Variants in DIAPH2 observed in about 807,000 individuals in gnomAD.
DIAPH2 encodes diaphanous related formin 2.
Under a neutral mutation model 92.7 loss-of-function variants are expected in DIAPH2, and 35 were observed. That is an observed-to-expected ratio of 0.38 (90% CI 0.29 to 0.50). The LOEUF (loss-of-function observed/expected upper bound fraction) is 0.50. DIAPH2 is among the 20% of genes least tolerant of loss of function. DIAPH2 has a pLI of 0.94. For missense variants in DIAPH2, 701 were observed against 819.5 expected, an observed-to-expected ratio of 0.86 and a Z score of 1.77; for synonymous variants, 301 against 280.4, an observed-to-expected ratio of 1.07 and a Z score of -0.73.
chrX:96,995,184 A>G (rs945174488), intron 17 of DIAPH2, among the ~76,000 whole-genome samples: 1 of 111,387 alleles, frequency 9.0e-6, no homozygotes, highest in South Asian at 3.8e-4. Context: ...TTAAAGTCAG[A>G]TAAAGGCAGC....
chrX:96,884,961 G>A, intron 5 of DIAPH2: 1 of 1,211,376 alleles, frequency 8.3e-7, no homozygotes, highest in Non-Finnish European at 1.1e-6. Flanking sequence ...ATCAGGAAGG[G>A]AAGAGCATCC....
At chrX:96,905,859 G>C (rs759948538) in intron 5 of DIAPH2, among the ~76,000 whole-genome samples, 11 of 112,362 alleles carry the variant, frequency 9.8e-5, no homozygotes, top group Non-Finnish European at 1.7e-4. Context: ...GCTGGGCGCG[G>C]TGGCTCACGC....
intron 4 of DIAPH2, among the ~76,000 whole-genome samples, chrX:96,876,518 C>G (rs1191007657): frequency 9.0e-6 from 1 of 111,700 alleles, no homozygotes; most frequent in African/African-American, 3.3e-5. Flanking sequence ...CCCACATGTC[C>G]AACAATCATA....
chrX:97,507,166 A>AAAAAAAAAAAAAAAC (rs2070842387), intron 26 of DIAPH2, among the ~76,000 whole-genome samples: 1 of 92,038 alleles, frequency 1.1e-5, no homozygotes, highest in Non-Finnish European at 2.3e-5. Context: ...AAAAAAAAAA[A>AAAAAAAAAAAAAAAC]TCCCTACCTT....
At chrX:96,836,718 T>TATATATATACGTATATATACATA (rs58380012) in intron 4 of DIAPH2, among the ~76,000 whole-genome samples, 1 of 15,357 alleles carries the variant, frequency 6.5e-5, no homozygotes, top group African/African-American at 3.0e-4. Flanking sequence ...TATATATATA[T>TATATATATACGTATATATACATA]TTTTTTTTTT....
At chrX:96,877,812 A>G (rs780268900) in intron 4 of DIAPH2, among the ~76,000 whole-genome samples, 66 of 112,396 alleles carry the variant, frequency 5.9e-4, no homozygotes, top group African/African-American at 2.0e-3. Flanking sequence ...TACTGTCTTA[A>G]AATAATACAA....
chrX:96,916,441 G>A lies in DIAPH2; in HGVS notation c.736G>A (p.Gly246Arg). ...CLKAFMNNKF[G>R]LQRILGDERS... Reference sequence around the variant, plus strand: ...GGTTTTTTTTTTTTTTTTTTAGTTTGGATTACAAAGGATTCTAGGAGATGA... The same window carrying A: ...GGTTTTTTTTTTTTTTTTTTAGTTTAGATTACAAAGGATTCTAGGAGATGA... Residue 246 changes from glycine to arginine, a missense_variant, in exon 8 of 27, where the codon GGA becomes AGA. By Grantham distance (125) the Gly-to-Arg change is moderately radical (BLOSUM62 -2). Around this residue, in one of 3 missense-constraint regions of DIAPH2, gnomAD observed 34 missense variants for 74.7 expected, o/e 0.46. Coordinates refer to ENST00000324765, the MANE Select transcript of DIAPH2 (RefSeq NM_006729.5). 1.2e-6 allele frequency: 1 copy of A among 843,175 alleles called. No individual in the cohort carries two copies. The highest frequency in any genetic ancestry group is 1.6e-6 in the Non-Finnish European group (1 of 631,109). 69.5% of individuals were successfully genotyped at this position (843,175 alleles called of 1,213,427 possible).
intron 4 of DIAPH2, among the ~76,000 whole-genome samples, chrX:96,867,466 C>T (rs759011792): frequency 2.4e-4 from 27 of 111,207 alleles, no homozygotes; most frequent in African/African-American, 6.5e-4. Context: ...GTGATCTGCC[C>T]GCCTCGGCCT....
intron 23 of DIAPH2, among the ~76,000 whole-genome samples, chrX:97,331,513 A>T (rs2069001459): frequency 8.9e-6 from 1 of 112,038 alleles, no homozygotes; most frequent in South Asian, 3.7e-4. Context: ...ACAGCTTAGG[A>T]AATACAGTAC....
chrX:96,768,580 G>C (rs2147610913), intron 4 of DIAPH2, among the ~76,000 whole-genome samples: 1 of 112,056 alleles, frequency 8.9e-6, no homozygotes, highest in African/African-American at 3.2e-5. Context: ...AGAAAGCAGA[G>C]AGTGATCAGG....
intron 22 of DIAPH2, among the ~76,000 whole-genome samples, chrX:97,237,695 C>T (rs1203024624): frequency 7.2e-5 from 8 of 110,625 alleles, no homozygotes; most frequent in African/African-American, 2.6e-4. Flanking sequence ...CATTCTCTTG[C>T]CTCAGCCTCC....
intron 21 of DIAPH2, among the ~76,000 whole-genome samples, chrX:97,133,030 T>C (rs189785057): frequency 8.9e-6 from 1 of 112,025 alleles, no homozygotes; most frequent in Non-Finnish European, 1.9e-5. Context: ...TCAGATACTC[T>C]AGAGATTTGA....
chrX:97,539,339 G>A (rs1392039813), intron 26 of DIAPH2, among the ~76,000 whole-genome samples: 2 of 110,632 alleles, frequency 1.8e-5, no homozygotes, highest in African/African-American at 3.3e-5. Flanking sequence ...TTCTCTAAAG[G>A]GTAAAAGGAG....
intron 17 of DIAPH2, among the ~76,000 whole-genome samples, chrX:97,028,213 A>T (rs1192286204): frequency 9.0e-6 from 1 of 111,218 alleles, no homozygotes; most frequent in African/African-American, 3.3e-5. Context: ...CTTCAATATG[A>T]TGTCAATATC....
chrX:97,462,004 A>G (rs1296323135), intron 26 of DIAPH2, among the ~76,000 whole-genome samples: 1 of 111,415 alleles, frequency 9.0e-6, no homozygotes, highest in East Asian at 2.8e-4. Context: ...GTAATGAGGC[A>G]TTTGAAAAGG....
chrX:97,317,421 T>C (rs1348257442), intron 23 of DIAPH2, among the ~76,000 whole-genome samples: 3 of 112,261 alleles, frequency 2.7e-5, no homozygotes, highest in African/African-American at 9.7e-5. Context: ...AACATCATTT[T>C]CCTTTCTTTT....
chrX:96,833,287 A>T (rs1316691129), intron 4 of DIAPH2, among the ~76,000 whole-genome samples: 1 of 111,439 alleles, frequency 9.0e-6, no homozygotes, highest in Non-Finnish European at 1.9e-5. Context: ...GCTGTGAGAG[A>T]ATTTGAAGCA....
intron 17 of DIAPH2, among the ~76,000 whole-genome samples, chrX:97,016,833 G>T (rs1055774350): frequency 6.2e-5 from 7 of 112,490 alleles, no homozygotes; most frequent in Admixed American, 1.9e-4. Flanking sequence ...CATCTACTTT[G>T]TTTATAGCTG....
At chrX:97,301,287 C>T (rs960189752) in intron 23 of DIAPH2, among the ~76,000 whole-genome samples, 5 of 110,907 alleles carry the variant, frequency 4.5e-5, no homozygotes, top group Non-Finnish European at 9.4e-5. Flanking sequence ...GAGTCATGCC[C>T]TCTATGATGA....
Sources: allele counts gnomAD v4.1 joint callset (sites outside exome capture counted in the v4.1 genomes callset), GRCh38; gene constraint gnomAD v4.1.1; regional missense constraint gnomAD v4.1.1; transcripts MANE v1.5; gene names NCBI Gene and HGNC (gene_info 2026-07-23, HGNC 2026-07-21).